Variants in GRIK2 observed in about 807,000 individuals in gnomAD.
GRIK2 encodes glutamate receptor ionotropic, kainate 2.
A neutral mutation model predicts 100.3 loss-of-function variants in GRIK2; 32 were observed. The observed-to-expected ratio is 0.32, with a 90% confidence interval of 0.24 to 0.43. GRIK2 has a LOEUF of 0.43. Among genes scored for constraint, GRIK2 ranks in the 20% least tolerant of loss-of-function variants. GRIK2 has a pLI of 1.00. For synonymous variants in GRIK2, 417 were observed against 389.4 expected (o/e 1.07, Z -0.83); for missense variants, 843 against 1,114.9 (o/e 0.76, Z 3.47).
intron 16 of GRIK2, among the ~76,000 whole-genome samples, chr6:102,056,661 A>G (rs914336930): frequency 6.6e-6 from 1 of 151,966 alleles, no homozygotes; most frequent in African/African-American, 2.4e-5. Flanking sequence ...TACCAGGTAA[A>G]TATTTTTTCT....
At chr6:101,840,458 AG>A (rs1250948359) in intron 10 of GRIK2, among the ~76,000 whole-genome samples, 2 of 152,214 alleles carry the variant, frequency 1.3e-5, no homozygotes, top group African/African-American at 2.4e-5. Flanking sequence ...TCTTAATGAC[AG>A]ACTATATCCT....
At chr6:101,556,378 AGGCT>A in intron 2 of GRIK2, among the ~76,000 whole-genome samples, 1 of 95,330 alleles carries the variant, frequency 1.0e-5, no homozygotes, top group Non-Finnish European at 2.0e-5. Context: ...TCTGTCGCCC[AGGCT>A]GGAGTGCAGT....
At chr6:101,919,857 G>C (rs1016602520) in intron 12 of GRIK2, among the ~76,000 whole-genome samples, 3 of 151,892 alleles carry the variant, frequency 2.0e-5, no homozygotes, top group Admixed American at 2.0e-4. Flanking sequence ...TAAAACAATG[G>C]AAGTTTAGGA....
intron 9 of GRIK2, among the ~76,000 whole-genome samples, chr6:101,807,492 A>G (rs2128416932): frequency 6.6e-6 from 1 of 152,146 alleles, no homozygotes; most frequent in Non-Finnish European, 1.5e-5. Flanking sequence ...AGAACTTACT[A>G]CAGGAAGGGA....
intron 7 of GRIK2, among the ~76,000 whole-genome samples, chr6:101,792,550 G>C (rs1336344561): frequency 6.6e-6 from 1 of 151,994 alleles, no homozygotes; most frequent in South Asian, 2.1e-4. Flanking sequence ...CTCTCTTCTG[G>C]CTTGTAGAGT....
intron 10 of GRIK2, among the ~76,000 whole-genome samples, chr6:101,845,228 A>C (rs1783740320): frequency 6.6e-6 from 1 of 152,138 alleles, no homozygotes; most frequent in African/African-American, 2.4e-5. Context: ...ATGTTGCCCA[A>C]GTGGGTCCTG....
chr6:101,879,608 G>A (rs1764387322), intron 11 of GRIK2, among the ~76,000 whole-genome samples: 2 of 151,716 alleles, frequency 1.3e-5, no homozygotes, highest in Non-Finnish European at 1.5e-5. Context: ...AAAGGACAGC[G>A]ACAATTATAT....
intron 7 of GRIK2, among the ~76,000 whole-genome samples, chr6:101,693,523 G>A (rs2128348291): frequency 6.6e-6 from 1 of 151,994 alleles, no homozygotes; most frequent in African/African-American, 2.4e-5. Context: ...AATAACTGAA[G>A]TTCATTGTTG....
chr6:102,059,937 T>G (rs1002694547), intron 16 of GRIK2, among the ~76,000 whole-genome samples: 3 of 150,250 alleles, frequency 2.0e-5, no homozygotes, highest in Admixed American at 6.7e-5. Context: ...AAAAAAATCT[T>G]AAGATGAAGC....
chr6:101,455,710 G>A (rs530333225), intron 2 of GRIK2, among the ~76,000 whole-genome samples: 15 of 152,116 alleles, frequency 9.9e-5, no homozygotes, highest in African/African-American at 2.9e-4. Context: ...TTTGATTTGG[G>A]AAACATCATA....
intron 7 of GRIK2, among the ~76,000 whole-genome samples, chr6:101,766,948 AGGGATTGTCTTTAGACTGATGTGGCTT>A (rs1022727228): frequency 1.7e-4 from 26 of 152,202 alleles, no homozygotes; most frequent in East Asian, 9.6e-4. Flanking sequence ...AGGTGTCCAA[AGGGATTGTCTTTAGACTGATGTGGCTT>A]TTAGGCAATT....
intron 14 of GRIK2, among the ~76,000 whole-genome samples, chr6:102,014,804 G>C (rs1186243956): frequency 1.3e-5 from 2 of 152,018 alleles, no homozygotes; most frequent in African/African-American, 4.8e-5. Context: ...GAGAGTGGTT[G>C]GTATGACAGG....
At chr6:101,657,207 CAG>C (rs2128331667) in intron 4 of GRIK2, among the ~76,000 whole-genome samples, 2 of 152,298 alleles carry the variant, frequency 1.3e-5, no homozygotes, top group East Asian at 3.9e-4. Context: ...TGTGTCTGGG[CAG>C]AGACCTGGTG....
intron 11 of GRIK2, among the ~76,000 whole-genome samples, chr6:101,879,288 T>G (rs553459536): frequency 1.3e-5 from 2 of 152,204 alleles, no homozygotes; most frequent in East Asian, 3.9e-4. Flanking sequence ...CCCATTGCTG[T>G]TTTAATTCAT....
intron 12 of GRIK2, among the ~76,000 whole-genome samples, chr6:101,916,401 G>T (rs1488345765): frequency 2.0e-5 from 3 of 150,466 alleles, no homozygotes; most frequent in African/African-American, 7.3e-5. Context: ...CATAGTGAAG[G>T]ATATAAATAT....
rs1206157794 is a variant in GRIK2, at chr6:101,760,677, T to G, written c.952-38971T>G. 2.7e-5 allele frequency among the ~76,000 whole-genome samples: 3 copies of G among 111,648 alleles called. No individual in the cohort carries two copies. In the Admixed American group the frequency reaches 3.9e-4, roughly 14 times the overall value. 73.2% of individuals were successfully genotyped at this position (111,648 alleles called of 152,430 possible). A position where few individuals can be genotyped will look rare whatever the true frequency, so the allele number is the denominator to read the frequency against. ...ATATGTTTAATTATATATAATTATA[T>G]ATTTAATTATATATAATTATATATA... On this transcript the variant is annotated intron_variant, in intron 7 of 16. Coordinates refer to ENST00000369134, the MANE Select transcript of GRIK2 (RefSeq NM_021956.5).
intron 2 of GRIK2, among the ~76,000 whole-genome samples, chr6:101,583,205 G>A (rs1778184315): frequency 6.6e-6 from 1 of 152,078 alleles, no homozygotes; most frequent in South Asian, 2.1e-4. Flanking sequence ...AGATAATACA[G>A]CCAATAAAGG....
At position 102,069,334 on chromosome 6, in the gene GRIK2, TAATAAA is replaced by T. The variant is rs1055737551; in HGVS notation, c.*825_*830del. On this transcript the variant is annotated 3_prime_UTR_variant, in exon 17 of 17. Coordinates refer to ENST00000369134, the MANE Select transcript of GRIK2 (RefSeq NM_021956.5). ...ATAATAATAATAATAATAATAATAA[TAATAAA>T]AGCAGTTGGTTCAGTGATTCTGAAT... 6.3e-5 allele frequency: 9 copies of T among 143,866 alleles called. No individual in the cohort carries two copies. The highest frequency in any genetic ancestry group is 2.8e-4 in the Admixed American group (4 of 14,440). The allele number at this position is 143,866 out of a possible 1,614,324, so 8.9% of individuals were successfully genotyped here.
chr6:101,928,062 T>C, intron 13 of GRIK2: 1 of 210,566 alleles, frequency 4.7e-6, no homozygotes, highest in Non-Finnish European at 9.7e-6. Context: ...TAACAAAATA[T>C]GAAAAAACAA....
Sources: gnomAD v4.1 joint callset for allele counts (sites outside exome capture counted in the v4.1 genomes callset) on GRCh38, gnomAD v4.1.1 for gene constraint, MANE v1.5 for transcripts, NCBI Gene and HGNC (gene_info 2026-07-23, HGNC 2026-07-21) for gene names.